Variants in USP17L2 observed in about 807,000 individuals in gnomAD.
USP17L2 encodes ubiquitin specific peptidase 17 like family member 2.
Under a neutral mutation model 39.8 loss-of-function variants are expected in USP17L2, and 29 were observed. The observed-to-expected ratio is 0.73, with a 90% CI of 0.54 to 0.99. USP17L2 has a LOEUF of 0.99. Ranked by LOEUF, USP17L2 falls within the 50% of genes least tolerant of loss-of-function variation. The pLI is 0.00. For synonymous variants in USP17L2, 231 were observed against 252.7 expected (o/e 0.91, Z 0.81); for missense variants, 567 against 647.2 (o/e 0.88, Z 1.35).
At position 12,137,123 on chromosome 8, in the gene USP17L2, G is replaced by A. The variant is rs1803258203; in HGVS notation, c.*45C>T. 13 of 1,500,778 alleles carry A rather than the reference G, an allele frequency of 8.7e-6. 1 individual carries two copies. Among genetic ancestry groups the A allele is most frequent in the East Asian group, 2.6e-5 (1 of 37,910 alleles). 93.0% of individuals were successfully genotyped at this position (1,500,778 alleles called of 1,614,324 possible). ...CTTGTGGGTGTATTTGTGCGTGTGTGTGTGTGCGTTCACCCCTACGTGTGG... is the reference window on the plus strand; with the variant it reads ...CTTGTGGGTGTATTTGTGCGTGTGTATGTGTGCGTTCACCCCTACGTGTGG... On this transcript the variant is annotated 3_prime_UTR_variant, in exon 1 of 1. Transcript: ENST00000333796.
rs375258900 is a variant in USP17L2 at position 12,137,288 on chromosome 8, C to G, written c.1473G>C (p.Ser491=). The change falls in exon 1 of 1, where the codon TCG becomes TCC. Residue 491 remains serine, a synonymous_variant. Coordinates refer to ENST00000333796, the MANE Select transcript of USP17L2 (RefSeq NM_201402.3). ...CGGACTCCTGATCTGTCCGGGTCGT[C>G]GAAGAGAGGTTTAGCAGGGAGCTTT... is the stretch of plus-strand genomic sequence containing the variant. ...EQQSSLLNLS[S]TTRTDQESVN... is the part of the protein sequence containing the mutation. 1.9e-5 allele frequency: 29 copies of G among 1,530,842 alleles called. 2 individuals are homozygous for G. The African/African-American group carries it at 3.4e-4, about 18-fold the overall frequency. The allele number at this position is 1,530,842 out of a possible 1,614,324, so 94.8% of individuals were successfully genotyped here.
rs548079218 is a variant in USP17L2 at position 12,137,582 on chromosome 8, G to A, written c.1179C>T (p.Ala393=). The change falls in exon 1 of 1, where the codon GCC becomes GCT. Residue 393 remains alanine, a synonymous_variant. Transcript: ENST00000333796. ...GCCTGTCTGTGTCTTCAGCGCCGAGGGCTCTTGGTTCCCTGCCTCTTGACA... is the reference window on the plus strand; with the variant it reads ...GCCTGTCTGTGTCTTCAGCGCCGAGAGCTCTTGGTTCCCTGCCTCTTGACA... ...ESVSRGREPR[A]LGAEDTDRRA... 8 of 1,530,354 alleles carry A rather than the reference G, an allele frequency of 5.2e-6. 2 individuals are homozygous for A. In the South Asian group the frequency reaches 6.2e-5, roughly 12 times the overall value. The allele number at this position is 1,530,354 out of a possible 1,614,324, so 94.8% of individuals were successfully genotyped here.
rs1328420976 is a variant in USP17L2, at chr8:12,137,822, T to C, written c.939A>G (p.Gly313=). The C allele has an allele frequency of 8.8e-6, 13 of 1,474,706 alleles. 5 individuals carry two copies. The East Asian group carries it at 2.9e-4, about 32-fold the overall frequency. 91.4% of individuals were successfully genotyped at this position (1,474,706 alleles called of 1,614,324 possible). The part of the protein sequence containing the change: ...MQPYMSQQNT[G]PLVYVLYAVL... Reference sequence around the variant, plus strand: ...CAGCATAGAGGACATAGACAAGAGGTCCTGTGTTCTGCTGAGACATGTATG... The same window carrying C: ...CAGCATAGAGGACATAGACAAGAGGCCCTGTGTTCTGCTGAGACATGTATG... The change falls in exon 1 of 1, where the codon GGA becomes GGG. Residue 313 remains glycine, a synonymous_variant. Coordinates refer to ENST00000333796, the MANE Select transcript of USP17L2 (RefSeq NM_201402.3).
At position 12,138,603 on chromosome 8, in the gene USP17L2, T is replaced by G; in HGVS notation, c.158A>C (p.Asp53Ala). 6.5e-7 allele frequency: 1 copy of G among 1,530,630 alleles called. No individual in the cohort carries two copies. Among genetic ancestry groups the G allele is most frequent in the Non-Finnish European group, 8.8e-7 (1 of 1,134,950 alleles). 94.8% of individuals were successfully genotyped at this position (1,530,630 alleles called of 1,614,324 possible). A position where few individuals can be genotyped will look rare whatever the true frequency, so the allele number is the denominator to read the frequency against. Residue 53 changes from aspartate to alanine, a missense_variant, in exon 1 of 1, where the codon GAT (aspartate) becomes GCT (alanine). Coordinates refer to ENST00000333796, the MANE Select transcript of USP17L2 (RefSeq NM_201402.3). Reference sequence around the variant, plus strand: ...CTGTCTTGCCACAGGAGCCAAATCATCACAGAGGTCGACACGGGCCTCAGA... The same window carrying G: ...CTGTCTTGCCACAGGAGCCAAATCAGCACAGAGGTCGACACGGGCCTCAGA... ...LSSEARVDLC[D>A]DLAPVARQLA...
In USP17L2 at chr8:12,137,225, G is replaced by T. The variant is rs1803266729; in HGVS notation, c.1536C>A (p.Thr512=). ...TGTLASLQGR[T]RRSKGKNKHS... is the part of the protein sequence containing the mutation. The stretch of plus-strand genomic sequence containing the variant: ...GTTTGTTCTTCCCTTTGGATCTCCT[G>T]GTCCTCCCTTGCAGAGAAGCGAGGG... Residue 512 remains threonine, a synonymous_variant, in exon 1 of 1, where the codon ACC becomes ACA. Coordinates refer to ENST00000333796, the MANE Select transcript of USP17L2 (RefSeq NM_201402.3). The T allele has an allele frequency of 2.6e-6, 4 of 1,530,628 alleles. 1 individual carries two copies. The East Asian group carries it at 7.9e-5, about 30-fold the overall frequency. 94.8% of individuals were successfully genotyped at this position (1,530,628 alleles called of 1,614,324 possible).
In USP17L2 at chr8:12,137,463, G is replaced by A; in HGVS notation, c.1298C>T (p.Thr433Ile). 1.3e-6 allele frequency: 2 copies of A among 1,532,622 alleles called. No individual in the cohort carries two copies. Among genetic ancestry groups the A allele is most frequent in the Non-Finnish European group, 1.8e-6 (2 of 1,135,302 alleles). 94.9% of individuals were successfully genotyped at this position (1,532,622 alleles called of 1,614,324 possible). A position where few individuals can be genotyped will look rare whatever the true frequency, so the allele number is the denominator to read the frequency against. ...TTGGGGGAATTTCCAGTGGTCTAAG[G>A]TGCTTTCCTGAGTGGCTCTTTCCAC... is the stretch of plus-strand genomic sequence containing the variant. ...RLVERATQESTLDHWKFPQEQ... is the reference protein window; with the variant it reads ...RLVERATQESILDHWKFPQEQ... The change falls in exon 1 of 1, where the codon ACC (threonine) becomes ATC (isoleucine). Residue 433 changes from threonine (T) to isoleucine (I), a missense_variant. Thr to Ile is a moderately conservative substitution (Grantham distance 89). This residue lies in a region of USP17L2 where 304 missense variants were observed against 254.7 expected (regional missense o/e 1.19). Coordinates refer to ENST00000333796, the MANE Select transcript of USP17L2 (RefSeq NM_201402.3).
rs548964492 is a variant in USP17L2 at position 12,138,520 on chromosome 8, C to G, written c.241G>C (p.Gly81Arg). 1 of 1,536,828 alleles carries G rather than the reference C, an allele frequency of 6.5e-7. No individual in the cohort carries two copies. Among genetic ancestry groups the G allele is most frequent in the East Asian group, 2.6e-5 (1 of 39,202 alleles). Residue 81 changes from glycine (G) to arginine (R), a missense_variant, in exon 1 of 1, where the codon GGG (glycine) becomes CGG (arginine). Gly to Arg is a moderately radical substitution (Grantham distance 125). Transcript: ENST00000333796. Reference protein sequence around the residue: ...SSRRPAAVGAGLQNMGNTCYE... With the variant: ...SSRRPAAVGARLQNMGNTCYE... ...CAGGTATTTCCCATATTCTGGAGCC[C>G]AGCCCCCACCGCAGCAGGTCTCCTG...
In USP17L2 at chr8:12,137,168, T is replaced by C; in HGVS notation, c.1593A>G (p.Ter531TrpextTer78). ...GTGTGGGTCGGCACTTCCACTGAGA[T>C]CACTGGCACACAAGCAGAGCCCTCT... ...HSKRALLVCQ[*>W] The change falls in exon 1 of 1, where the codon TGA becomes TGG. Residue 531 changes from the stop codon to tryptophan, a stop_lost. Coordinates refer to ENST00000333796, the MANE Select transcript of USP17L2 (RefSeq NM_201402.3). 1 of 1,530,578 alleles carries C rather than the reference T, an allele frequency of 6.5e-7. No homozygotes were observed. Among genetic ancestry groups the C allele is most frequent in the South Asian group, 1.2e-5 (1 of 81,292 alleles). 94.8% of individuals were successfully genotyped at this position (1,530,578 alleles called of 1,614,324 possible).
rs1250531016 is a variant in USP17L2, at chr8:12,137,182, G to A, written c.1579C>T (p.Leu527Phe). The A allele has an allele frequency of 2.2e-5, 33 of 1,530,812 alleles. 3 individuals carry two copies. Among genetic ancestry groups the A allele is most frequent in the East Asian group, 5.2e-5 (2 of 38,168 alleles). 94.8% of individuals were successfully genotyped at this position (1,530,812 alleles called of 1,614,324 possible). A position where few individuals can be genotyped will look rare whatever the true frequency, so the allele number is the denominator to read the frequency against. Residue 527 changes from leucine to phenylalanine, a missense_variant, in exon 1 of 1, where the codon CTT (leucine) becomes TTT (phenylalanine). Transcript: ENST00000333796. ...GKNKHSKRAL[L>F]VCQ The stretch of plus-strand genomic sequence containing the variant: ...TTCCACTGAGATCACTGGCACACAA[G>A]CAGAGCCCTCTTGCTGTGTTTGTTC...
In USP17L2 at chr8:12,137,257, T is replaced by A. The variant is rs202133102; in HGVS notation, c.1504A>T (p.Thr502Ser). The change falls in exon 1 of 1, where the codon ACT becomes TCT. Residue 502 changes from threonine (T) to serine (S), a missense_variant. This residue lies in a region of USP17L2 where 304 missense variants were observed against 254.7 expected (regional missense o/e 1.19). Transcript: ENST00000333796. ...TTRTDQESVN[T>S]GTLASLQGRT... ...CCTTGCAGAGAAGCGAGGGTGCCAG[T>A]GTTCACGGACTCCTGATCTGTCCGG... 70 of 1,530,572 alleles carry A rather than the reference T, an allele frequency of 4.6e-5. 4 individuals are homozygous for A. In the African/African-American group the frequency reaches 9.4e-4, roughly 21 times the overall value. 94.8% of individuals were successfully genotyped at this position (1,530,572 alleles called of 1,614,324 possible).
chr8:12,137,805 A>G lies in USP17L2; in HGVS notation c.956T>C (p.Leu319Pro), dbSNP rs775365962. Residue 319 changes from leucine (L) to proline (P), a missense_variant, in exon 1 of 1, where the codon CTC (leucine) becomes CCC (proline). By Grantham distance (98) the Leu-to-Pro change is moderately conservative. Coordinates refer to ENST00000333796, the MANE Select transcript of USP17L2 (RefSeq NM_201402.3). ...QQNTGPLVYV[L>P]YAVLVHAGWS... ...CCCAGCGTGGACCAGCACAGCATAG[A>G]GGACATAGACAAGAGGTCCTGTGTT... is the stretch of plus-strand genomic sequence containing the variant. 1 of 1,483,028 alleles carries G rather than the reference A, an allele frequency of 6.7e-7. No individual in the cohort carries two copies. The highest frequency in any genetic ancestry group is 9.2e-7 in the Non-Finnish European group (1 of 1,090,104). The allele number at this position is 1,483,028 out of a possible 1,614,324, so 91.9% of individuals were successfully genotyped here.
rs553727609 is a variant in USP17L2, at chr8:12,137,366, C to T, written c.1395G>A (p.Val465=). ...VEGTLPPNVL[V]IHQSKYKCGM... Reference sequence around the variant, plus strand: ...CACACTTGTATTTCGATTGATGAATCACAAGTACGTTGGGAGGCAGGGTAC... The same window carrying T: ...CACACTTGTATTTCGATTGATGAATTACAAGTACGTTGGGAGGCAGGGTAC... The change falls in exon 1 of 1, where the codon GTG becomes GTA. Residue 465 remains valine (V), a synonymous_variant. Coordinates refer to ENST00000333796, the MANE Select transcript of USP17L2 (RefSeq NM_201402.3). 8 of 1,531,598 alleles carry T rather than the reference C, an allele frequency of 5.2e-6. No individual in the cohort carries two copies. The East Asian group carries it at 2.1e-4, about 40-fold the overall frequency. 94.9% of individuals were successfully genotyped at this position (1,531,598 alleles called of 1,614,324 possible). A position where few individuals can be genotyped will look rare whatever the true frequency, so the allele number is the denominator to read the frequency against.
At position 12,138,515 on chromosome 8, in the gene USP17L2, G is replaced by T; in HGVS notation, c.246C>A (p.Leu82=). The T allele has an allele frequency of 6.5e-7, 1 of 1,537,698 alleles. No homozygotes were observed. Among genetic ancestry groups the T allele is most frequent in the South Asian group, 1.2e-5 (1 of 82,496 alleles). Residue 82 remains leucine (L), a synonymous_variant, in exon 1 of 1, where the codon CTC becomes CTA. Coordinates refer to ENST00000333796, the MANE Select transcript of USP17L2 (RefSeq NM_201402.3). ...SRRPAAVGAG[L]QNMGNTCYEN... ...CGTAGCAGGTATTTCCCATATTCTG[G>T]AGCCCAGCCCCCACCGCAGCAGGTC...
At position 12,137,976 on chromosome 8, in the gene USP17L2, G is replaced by A. The variant is rs752562870; in HGVS notation, c.785C>T (p.Pro262Leu). 12 of 1,501,168 alleles carry A rather than the reference G, an allele frequency of 8.0e-6. 2 individuals carry two copies. Among genetic ancestry groups the A allele is most frequent in the Middle Eastern group, 2.5e-4 (1 of 4,058 alleles). The allele number at this position is 1,501,168 out of a possible 1,614,324, so 93.0% of individuals were successfully genotyped here. ...YHCGLCLQRAPASKTLTLHTS... is the reference protein window; with the variant it reads ...YHCGLCLQRALASKTLTLHTS... ...GTGTAAAGTTAACGTCTTGGAGGCC[G>A]GCGCCCTCTGGAGACAAAGACCGCA... Residue 262 changes from proline to leucine, a missense_variant, in exon 1 of 1, where the codon CCG becomes CTG. Pro to Leu is a moderately conservative substitution (Grantham distance 98, BLOSUM62 -3). Around this residue, in one of 6 missense-constraint regions of USP17L2, gnomAD observed 65 missense variants for 84.8 expected, o/e 0.77. Transcript: ENST00000333796.
Position 12,137,505 on chromosome 8 carries a change from T to G in USP17L2, c.1256A>C (p.Glu419Ala). 2 of 1,532,974 alleles carry G rather than the reference T, an allele frequency of 1.3e-6. No individual in the cohort carries two copies. 95.0% of individuals were successfully genotyped at this position (1,532,974 alleles called of 1,614,324 possible). A position where few individuals can be genotyped will look rare whatever the true frequency, so the allele number is the denominator to read the frequency against. Residue 419 changes from glutamate (E) to alanine (A), a missense_variant, in exon 1 of 1, where the codon GAG becomes GCG. Coordinates refer to ENST00000333796, the MANE Select transcript of USP17L2 (RefSeq NM_201402.3). ...KRDHPCLQAP[E>A]LDERLVERAT... is the part of the protein sequence containing the mutation. The stretch of plus-strand genomic sequence containing the variant: ...TCTTTCCACCAAGCGCTCGTCCAAC[T>G]CGGGTGCCTGGAGGCAGGGGTGGTC...
At position 12,138,824 on chromosome 8, in the gene USP17L2, C is replaced by G. The variant is rs1382396743; in HGVS notation, c.-64G>C. 3.2e-6 allele frequency: 3 copies of G among 951,830 alleles called. 1 individual carries two copies. Among genetic ancestry groups the G allele is most frequent in the Non-Finnish European group, 1.6e-6 (1 of 620,754 alleles). 59.0% of individuals were successfully genotyped at this position (951,830 alleles called of 1,614,324 possible). On this transcript the variant is annotated 5_prime_UTR_variant, in exon 1 of 1. Transcript: ENST00000333796. ...ACTGCAGGTTGCAGCAAGACGCTAT[C>G]TCTTCCAAGAGAGTCTTCAAATGAC...
chr8:12,137,851 G>A, the USP17L2 span: 6 of 1,500,408 alleles, frequency 4.0e-6, 1 homozygote, highest in Non-Finnish European at 5.4e-6. Context: ...ATGTATGGCT[G>A]CATGTCAAGG....
At position 12,137,442 on chromosome 8, in the gene USP17L2, G is replaced by A. The variant is rs200695704; in HGVS notation, c.1319C>T (p.Pro440Leu). 2.4e-4 allele frequency: 368 copies of A among 1,532,106 alleles called. 68 individuals carry two copies. Among genetic ancestry groups the A allele is most frequent in the Non-Finnish European group, 2.8e-4 (318 of 1,135,190 alleles). The allele number at this position is 1,532,106 out of a possible 1,614,324, so 94.9% of individuals were successfully genotyped here. A position where few individuals can be genotyped will look rare whatever the true frequency, so the allele number is the denominator to read the frequency against. ...QESTLDHWKF[P>L]QEQNKTKPEF... Reference sequence around the variant, plus strand: ...AGGCTTCGTTTTGTTTTGCTCTTGGGGGAATTTCCAGTGGTCTAAGGTGCT... The same window carrying A: ...AGGCTTCGTTTTGTTTTGCTCTTGGAGGAATTTCCAGTGGTCTAAGGTGCT... Residue 440 changes from proline to leucine, a missense_variant, in exon 1 of 1, where the codon CCC becomes CTC. Transcript: ENST00000333796.
rs765899421 is a variant in USP17L2 at position 12,137,441 on chromosome 8, G to T, written c.1320C>A (p.Pro440=). The T allele has an allele frequency of 3.3e-6, 5 of 1,532,382 alleles. No individual in the cohort carries two copies. In the African/African-American group the frequency reaches 5.9e-5, roughly 18 times the overall value. 94.9% of individuals were successfully genotyped at this position (1,532,382 alleles called of 1,614,324 possible). ...CAGGCTTCGTTTTGTTTTGCTCTTG[G>T]GGGAATTTCCAGTGGTCTAAGGTGC... ...QESTLDHWKF[P]QEQNKTKPEF... Residue 440 remains proline, a synonymous_variant, in exon 1 of 1, where the codon CCC becomes CCA. Coordinates refer to ENST00000333796, the MANE Select transcript of USP17L2 (RefSeq NM_201402.3).
Sources: allele counts gnomAD v4.1 joint callset, GRCh38; gene constraint gnomAD v4.1.1; regional missense constraint gnomAD v4.1.1; transcripts MANE v1.5; gene names NCBI Gene and HGNC (gene_info 2026-07-23, HGNC 2026-07-21).